The following OTOGL variants were observed in gnomAD, a reference collection of about 807,000 sequenced individuals.
The protein encoded by OTOGL is otogelin like, also known as otogelin-like protein.
OTOGL carries 285 observed loss-of-function variants against 318.5 expected under a neutral mutation model. The observed-to-expected ratio is 0.89, with a 90% CI of 0.81 to 0.99. The LOEUF (loss-of-function observed/expected upper bound fraction) is 0.99, where lower values mean the gene tolerates loss of function less well. OTOGL is among the 50% of genes least tolerant of loss of function. OTOGL has a pLI of 0.00. For synonymous variants in OTOGL, 987 were observed against 936.5 expected (o/e 1.05, Z -0.99); for missense variants, 2,899 against 2,845.6 (o/e 1.02, Z -0.43).
At chr12:80,127,142 G>T (rs559283133) in intron 1 of OTOGL, among the ~76,000 whole-genome samples, 25 of 152,264 alleles carry the variant, frequency 1.6e-4, no homozygotes, top group African/African-American at 5.8e-4. Context: ...AGCCTTGATG[G>T]TCTTTACAAT....
chr12:80,145,588 C>T lies in OTOGL; in HGVS notation c.-20+45983C>T, dbSNP rs1182355469. Among the ~76,000 whole-genome samples, 679 of 151,506 alleles carry T rather than the reference C, an allele frequency of 4.5e-3. 5 individuals are homozygous for T. Among genetic ancestry groups the T allele is most frequent in the African/African-American group, 0.016 (646 of 41,092 alleles). On this transcript the variant is annotated intron_variant, in intron 1 of 58. Coordinates refer to ENST00000547103, the MANE Select transcript of OTOGL (RefSeq NM_001378609.3). ...ACTTTAAAGTAGTTTTTTCCAATTC[C>T]GTGAAGAAAGGCATTGGTAGCTTGA...
At chr12:80,253,643 G>A in intron 14 of OTOGL, 69 bp downstream of exon 14, 2 of 1,269,388 alleles carry the variant, frequency 1.6e-6, no homozygotes, top group Non-Finnish European at 2.3e-6. Flanking sequence ...CATGACAGAT[G>A]TTTAAAGGAA....
At chr12:80,150,696 A>G (rs538694016) in intron 1 of OTOGL, among the ~76,000 whole-genome samples, 124 of 152,322 alleles carry the variant, frequency 8.1e-4, no homozygotes, top group African/African-American at 2.9e-3. Context: ...TGAGTCATGG[A>G]TCATGACTGA....
At chr12:80,289,597 T>C (rs1884888581) in intron 26 of OTOGL, among the ~76,000 whole-genome samples, 2 of 152,144 alleles carry the variant, frequency 1.3e-5, no homozygotes. Context: ...TCCTGCCCAG[T>C]GAGGAGGAAT....
At chr12:80,263,507 T>A (rs1185612002) in intron 19 of OTOGL, among the ~76,000 whole-genome samples, 1 of 152,094 alleles carries the variant, frequency 6.6e-6, no homozygotes, top group African/African-American at 2.4e-5. Context: ...TACACGAAAT[T>A]GAAATATTAA....
At chr12:80,222,338 CTAATAATAG>C in intron 7 of OTOGL, 93 bp downstream of exon 7, 1 of 1,208,148 alleles carries the variant, frequency 8.3e-7, no homozygotes, top group Middle Eastern at 2.1e-4. Flanking sequence ...AAAATATATA[CTAATAATAG>C]AATGAATACT....
intron 4 of OTOGL, among the ~76,000 whole-genome samples, chr12:80,213,502 T>C (rs1877432441): frequency 6.6e-6 from 1 of 152,222 alleles, no homozygotes; most frequent in South Asian, 2.1e-4. Context: ...AGACTCATTT[T>C]ACCCAGCCCC....
At chr12:80,302,812 G>A in intron 28 of OTOGL, 29 bp downstream of exon 28, 1 of 1,414,258 alleles carries the variant, frequency 7.1e-7, no homozygotes, top group Non-Finnish European at 9.3e-7. Flanking sequence ...CAAATGAGAT[G>A]TAATGAATAA....
At chr12:80,223,728 T>C (rs1878569978) in intron 7 of OTOGL, among the ~76,000 whole-genome samples, 1 of 152,164 alleles carries the variant, frequency 6.6e-6, no homozygotes, top group Non-Finnish European at 1.5e-5. Flanking sequence ...GTATACCTTC[T>C]TTTGAGAATT....
intron 20 of OTOGL, 137 bp downstream of exon 20, chr12:80,265,347 C>T: frequency 1.1e-6 from 1 of 903,474 alleles, no homozygotes; most frequent in Non-Finnish European, 1.6e-6. Context: ...AATGTACAAA[C>T]ATGAAAAGCA....
At chr12:80,364,125 G>C (rs1477961743) in intron 52 of OTOGL, among the ~76,000 whole-genome samples, 1 of 152,050 alleles carries the variant, frequency 6.6e-6, no homozygotes, top group Non-Finnish European at 1.5e-5. Flanking sequence ...TTAGCATTGT[G>C]CTAGACACAC....
At chr12:80,108,926 A>T (rs1376713524) in intron 1 of OTOGL, among the ~76,000 whole-genome samples, 30 of 113,358 alleles carry the variant, frequency 2.6e-4, no homozygotes, top group African/African-American at 1.0e-3. Flanking sequence ...GTGTATATAT[A>T]TATGTGTGTG....
intron 26 of OTOGL, among the ~76,000 whole-genome samples, chr12:80,296,056 G>A (rs951848865): frequency 7.2e-5 from 11 of 152,180 alleles, no homozygotes; most frequent in Non-Finnish European, 1.6e-4. Context: ...GTCATTTAGA[G>A]TAGAGAGACT....
rs190782546 is a variant in OTOGL, at chr12:80,300,701, G to A, written c.3064-1933G>A. On this transcript the variant is annotated intron_variant, in intron 27 of 58. Transcript: ENST00000547103. ...AAGTTCTACTGGGGCAATCAGGGAA[G>A]GCCTCACAGAGGAGGGAGCATATGG... Among the ~76,000 whole-genome samples the A allele has an allele frequency of 1.6e-3, 245 of 152,254 alleles. 1 individual carries two copies. The highest frequency in any genetic ancestry group is 8.1e-3 in the South Asian group (39 of 4,816).
chr12:80,286,797 G>A (rs560316510), intron 26 of OTOGL, among the ~76,000 whole-genome samples: 25 of 151,946 alleles, frequency 1.6e-4, no homozygotes, highest in African/African-American at 6.0e-4. Flanking sequence ...TTATTAGTCT[G>A]GCTAGTGGTC....
chr12:80,298,247 G>A (rs932155816), intron 27 of OTOGL, among the ~76,000 whole-genome samples: 5 of 152,124 alleles, frequency 3.3e-5, no homozygotes, highest in African/African-American at 1.2e-4. Flanking sequence ...ATTTATGTAG[G>A]ATAATATGGG....
At chr12:80,293,068 G>A (rs1885152490) in intron 26 of OTOGL, among the ~76,000 whole-genome samples, 1 of 152,142 alleles carries the variant, frequency 6.6e-6, no homozygotes, top group Non-Finnish European at 1.5e-5. Flanking sequence ...TTTAATCAAA[G>A]TGATAATTCA....
At chr12:80,218,704 T>A (rs1448035856) in intron 5 of OTOGL, among the ~76,000 whole-genome samples, 1 of 151,914 alleles carries the variant, frequency 6.6e-6, no homozygotes. Context: ...TTTCTTTCTA[T>A]GAAAGAAAGA....
chr12:80,140,915 G>A (rs1195850632), intron 1 of OTOGL, among the ~76,000 whole-genome samples: 1 of 152,014 alleles, frequency 6.6e-6, no homozygotes, highest in Non-Finnish European at 1.5e-5. Context: ...TATGAAATAA[G>A]TGTACATAGA....
Sources: gnomAD v4.1 joint callset for allele counts (sites outside exome capture counted in the v4.1 genomes callset) on GRCh38, gnomAD v4.1.1 for gene constraint, MANE v1.5 for transcripts, NCBI Gene and HGNC (gene_info 2026-07-23, HGNC 2026-07-21) for gene names.